IRF8: variants seen among roughly 807,000 people sequenced by gnomAD.
The protein encoded by IRF8 is interferon regulatory factor 8.
In IRF8, 14 loss-of-function variants were observed where a neutral mutation model predicts 48.7. The observed-to-expected ratio is 0.29, with a 90% CI of 0.19 to 0.45. IRF8 has a LOEUF of 0.45. IRF8 is among the 20% of genes least tolerant of loss of function. The pLI, the probability that IRF8 is intolerant of heterozygous loss-of-function variation, is 1.00. For synonymous variants in IRF8, 278 were observed against 227.3 expected (o/e 1.22, Z -2.01); for missense variants, 493 against 580.7 (o/e 0.85, Z 1.55).
chr16:85,908,449 C>T (rs1026511811), intron 2 of IRF8, among the ~76,000 whole-genome samples: 2 of 152,068 alleles, frequency 1.3e-5, no homozygotes, highest in African/African-American at 2.4e-5. Flanking sequence ...TAAACAGCAC[C>T]TGGGGGGAAA....
intron 2 of IRF8, among the ~76,000 whole-genome samples, chr16:85,905,355 T>C (rs1037674387): frequency 3.9e-5 from 6 of 151,922 alleles, no homozygotes; most frequent in African/African-American, 1.2e-4. Context: ...CTTCAACTTG[T>C]GCTCGGGGGG....
At chr16:85,912,321 A>C (rs1905169561) in intron 4 of IRF8, among the ~76,000 whole-genome samples, 1 of 152,254 alleles carries the variant, frequency 6.6e-6, no homozygotes. Context: ...TGGGTATTAC[A>C]AGGTGGACAT....
chr16:85,902,647 G>C (rs1904860905), intron 1 of IRF8: 1 of 326,242 alleles, frequency 3.1e-6, no homozygotes, highest in Admixed American at 4.1e-5. Flanking sequence ...TGCTGTAAAA[G>C]TGATTCCCCC....
At chr16:85,903,367 C>G (rs1904890035) in intron 2 of IRF8, 178 bp downstream of exon 2, 1 of 637,106 alleles carries the variant, frequency 1.6e-6, no homozygotes, top group Non-Finnish European at 2.7e-6. Context: ...GCTGATTTCA[C>G]ATCTTTTGAA....
intron 1 of IRF8, among the ~76,000 whole-genome samples, chr16:85,901,978 A>G (rs1904840402): frequency 6.7e-6 from 1 of 149,704 alleles, no homozygotes; most frequent in Admixed American, 6.7e-5. Context: ...GGGGATTTCC[A>G]GCACTGTTCT....
chr16:85,902,086 A>C (rs977255131), intron 1 of IRF8, among the ~76,000 whole-genome samples: 3 of 151,966 alleles, frequency 2.0e-5, no homozygotes, highest in Non-Finnish European at 2.9e-5. Flanking sequence ...GTGTTCTTCC[A>C]AAGGATGTCT....
At chr16:85,908,575 G>C (rs1206881654) in intron 2 of IRF8, among the ~76,000 whole-genome samples, 1 of 152,194 alleles carries the variant, frequency 6.6e-6, no homozygotes, top group Non-Finnish European at 1.5e-5. Flanking sequence ...TTTAGGGGTT[G>C]ATCTGAAAAA....
intron 1 of IRF8, 145 bp downstream of exon 1, chr16:85,899,368 T>G (rs1478185521): frequency 6.6e-6 from 1 of 152,244 alleles, no homozygotes; most frequent in Admixed American, 6.5e-5. Flanking sequence ...CCCTCTCTGC[T>G]TTTTGCCTAT....
At chr16:85,899,438 C>T (rs1289164093) in intron 1 of IRF8, among the ~76,000 whole-genome samples, 1 of 152,230 alleles carries the variant, frequency 6.6e-6, no homozygotes, top group African/African-American at 2.4e-5. Flanking sequence ...TTGCCTGTTT[C>T]CAAAGATTGG....
rs1396151109 is a variant in IRF8 at position 85,903,081 on chromosome 16, G to A, written c.66G>A (p.Met22Ile). 7 of 1,614,102 alleles carry A rather than the reference G, an allele frequency of 4.3e-6. No homozygotes were observed. Among genetic ancestry groups the A allele is most frequent in the Non-Finnish European group, 5.1e-6 (6 of 1,180,046 alleles). ...QWLIEQIDSS[M>I]YPGLIWENEE... ...TGATCGAGCAGATTGACAGTAGCAT[G>A]TATCCAGGACTGATTTGGGAGAATG... The change falls in exon 2 of 9, where the codon ATG (methionine) becomes ATA (isoleucine). Residue 22 changes from methionine (M) to isoleucine (I), a missense_variant. This residue lies in a region of IRF8 where 54 missense variants were observed against 59.9 expected (regional missense o/e 0.90). Transcript: ENST00000268638.
At chr16:85,899,505 A>C (rs555554352) in intron 1 of IRF8, among the ~76,000 whole-genome samples, 1 of 152,254 alleles carries the variant, frequency 6.6e-6, no homozygotes, top group African/African-American at 2.4e-5. Context: ...TACATGGAAA[A>C]CGTTAGGAGA....
At chr16:85,915,319 G>T (rs547069920) in intron 6 of IRF8, among the ~76,000 whole-genome samples, 1 of 152,214 alleles carries the variant, frequency 6.6e-6, no homozygotes, top group African/African-American at 2.4e-5. Context: ...GCGAGCAGCT[G>T]GTCTCATCAG....
rs139493882 is a variant in IRF8 at position 85,911,652 on chromosome 16, C to G, written c.441C>G (p.Ile147Met). 6.2e-7 allele frequency: 1 copy of G among 1,613,490 alleles called. No homozygotes were observed. Among genetic ancestry groups the G allele is most frequent in the Non-Finnish European group, 8.5e-7 (1 of 1,179,596 alleles). ...ECGRSEIDEL[I>M]KEPSVDDYMG... ...GTCGCTCTGAAATCGACGAGCTGAT[C>G]AAGGAGGTAAGCAGAGGCAGCATTT... is the stretch of plus-strand genomic sequence containing the variant. The change falls in exon 4 of 9, where the codon ATC becomes ATG. Residue 147 changes from isoleucine to methionine, a missense_variant. By Grantham distance (10) the Ile-to-Met change is conservative. Coordinates refer to ENST00000268638, the MANE Select transcript of IRF8 (RefSeq NM_002163.4).
intron 3 of IRF8, among the ~76,000 whole-genome samples, chr16:85,911,072 G>T (rs372639551): frequency 6.6e-6 from 1 of 152,208 alleles, no homozygotes; most frequent in Non-Finnish European, 1.5e-5. Context: ...TGCGGTGTGT[G>T]TGTGTGCATG....
At position 85,921,410 on chromosome 16, in the gene IRF8, T is replaced by A; in HGVS notation, c.*128T>A. The A allele has an allele frequency of 1.0e-6, 1 of 983,926 alleles. No individual in the cohort carries two copies. 60.9% of individuals were successfully genotyped at this position (983,926 alleles called of 1,614,324 possible). On this transcript the variant is annotated 3_prime_UTR_variant, in exon 9 of 9. Transcript: ENST00000268638. ...GGGATGCCTTACTTTGCACTTAATT[T>A]AATAAGGGCATTCTCGGAGGAGTAG...
rs370022572 is a variant in IRF8, at chr16:85,918,665, C to T, written c.850C>T (p.Arg284Trp). 1.2e-5 allele frequency: 20 copies of T among 1,610,612 alleles called. No individual in the cohort carries two copies. The highest frequency in any genetic ancestry group is 3.3e-5 in the Admixed American group (2 of 59,970). ...LERGVLLHSS[R>W]QGVFVKRLCQ... Reference sequence around the variant, plus strand: ...GCGCGGGGTGCTGCTGCACAGCAGCCGGCAGGGCGTGTTCGTCAAGCGGCT... The same window carrying T: ...GCGCGGGGTGCTGCTGCACAGCAGCTGGCAGGGCGTGTTCGTCAAGCGGCT... The change falls in exon 7 of 9, where the codon CGG (arginine) becomes TGG (tryptophan). Residue 284 changes from arginine (R) to tryptophan (W), a missense_variant. Physicochemically the swap from Arg to Trp is moderately radical, Grantham distance 101. Coordinates refer to ENST00000268638, the MANE Select transcript of IRF8 (RefSeq NM_002163.4).
rs772616220 is a variant in IRF8, at chr16:85,903,105, T to A, written c.90T>A (p.Asn30Lys). The A allele has an allele frequency of 6.2e-7, 1 of 1,614,028 alleles. No homozygotes were observed. The highest frequency in any genetic ancestry group is 8.5e-7 in the Non-Finnish European group (1 of 1,179,992). The stretch of plus-strand genomic sequence containing the variant: ...TGTATCCAGGACTGATTTGGGAGAA[T>A]GAGGAGAAGAGCATGTTCCGGATCC... ...SSMYPGLIWE[N>K]EEKSMFRIPW... Residue 30 changes from asparagine to lysine, a missense_variant, in exon 2 of 9, where the codon AAT (asparagine) becomes AAA (lysine). Transcript: ENST00000268638.
At chr16:85,906,219 A>G (rs1317723505) in intron 2 of IRF8, among the ~76,000 whole-genome samples, 6 of 152,156 alleles carry the variant, frequency 3.9e-5, no homozygotes, top group Admixed American at 1.3e-4. Context: ...ACATGAAACA[A>G]TCATATTAAA....
intron 6 of IRF8, among the ~76,000 whole-genome samples, chr16:85,916,289 C>T (rs1282495590): frequency 6.6e-6 from 1 of 152,208 alleles, no homozygotes; most frequent in African/African-American, 2.4e-5. Context: ...AGCTGGGCAG[C>T]AGCTGGGCTG....
Sources: gnomAD v4.1 joint callset for allele counts (sites outside exome capture counted in the v4.1 genomes callset) on GRCh38, gnomAD v4.1.1 for gene constraint, gnomAD v4.1.1 regional missense constraint, MANE v1.5 for transcripts, NCBI Gene and HGNC (gene_info 2026-07-23, HGNC 2026-07-21) for gene names.